Variants in CSMD1 observed in about 807,000 individuals in gnomAD.
CSMD1 encodes CUB and Sushi multiple domains 1.
A neutral mutation model predicts 417.5 loss-of-function variants in CSMD1; 213 were observed. The observed-to-expected ratio is 0.51, with a 90% CI of 0.46 to 0.57. The LOEUF is 0.57. Among genes scored for constraint, CSMD1 ranks in the 20% least tolerant of loss-of-function variants. The probability of loss-of-function intolerance (pLI) is 0.00; values close to 1 mark genes in which losing one functional copy is unlikely to be tolerated. For synonymous variants in CSMD1, 2,862 were observed against 1,736.8 expected (o/e 1.65, Z -16.11); for missense variants, 6,923 against 4,529.7 (o/e 1.53, Z -15.17).
At position 3,359,374 on chromosome 8, in the gene CSMD1, G is replaced by A. The variant is rs1468123767; in HGVS notation, c.3116-34C>T. On this transcript the variant is annotated intron_variant, in intron 20 of 69. Transcript: ENST00000635120. ...TGCAGAGACAGAGTAAATGCATGAG[G>A]ATTTGGGTAAATACACAAAGATTAA... 3.3e-6 allele frequency: 5 copies of A among 1,522,568 alleles called. No individual in the cohort carries two copies. The African/African-American group carries it at 6.9e-5, about 21-fold the overall frequency. 94.3% of individuals were successfully genotyped at this position (1,522,568 alleles called of 1,614,324 possible).
Position 3,708,592 on chromosome 8 carries a change from C to T in CSMD1, c.932-101G>A. 6.7e-6 allele frequency: 6 copies of T among 896,554 alleles called. No individual in the cohort carries two copies. In the South Asian group the frequency reaches 7.1e-5, roughly 11 times the overall value. The allele number at this position is 896,554 out of a possible 1,614,324, so 55.5% of individuals were successfully genotyped here. Reference sequence around the variant, plus strand: ...TCCAGTCATAACTGCTTTCTATCAACCCCCGAAAATGGGAAATGTTCTAAG... The same window carrying T: ...TCCAGTCATAACTGCTTTCTATCAATCCCCGAAAATGGGAAATGTTCTAAG... On this transcript the variant is annotated intron_variant, in intron 6 of 69. Coordinates refer to ENST00000635120, the MANE Select transcript of CSMD1 (RefSeq NM_033225.6).
At chr8:2,961,612 TTTAA>T (rs1158920821) in intron 61 of CSMD1, among the ~76,000 whole-genome samples, 2 of 152,214 alleles carry the variant, frequency 1.3e-5, no homozygotes, top group African/African-American at 2.4e-5. Context: ...TCTGAGTTTC[TTTAA>T]TTAATTTTCC....
chr8:4,585,289 C>T (rs1011274766), intron 2 of CSMD1, among the ~76,000 whole-genome samples: 1 of 151,814 alleles, frequency 6.6e-6, no homozygotes, highest in Non-Finnish European at 1.5e-5. Context: ...AATAGGCAGT[C>T]CCAGAAATTA....
Position 4,060,260 on chromosome 8 carries a change from C to T in CSMD1, c.416-28161G>A, listed in dbSNP as rs182321623. ...ATTCAACAACCCTTCATGCTAAAAA[C>T]TCTCAATAAATTAGGTATTGATGGG... On this transcript the variant is annotated intron_variant, in intron 3 of 69. Coordinates refer to ENST00000635120, the MANE Select transcript of CSMD1 (RefSeq NM_033225.6). Among the ~76,000 whole-genome samples, 46 of 152,162 alleles carry T rather than the reference C, an allele frequency of 3.0e-4. 1 individual carries two copies. In the East Asian group the frequency reaches 8.1e-3, roughly 27 times the overall value.
chr8:4,185,638 T>C (rs551440898), intron 3 of CSMD1, among the ~76,000 whole-genome samples: 2 of 152,346 alleles, frequency 1.3e-5, no homozygotes, highest in East Asian at 1.9e-4. Context: ...ATAGCTAATG[T>C]AAAAAGTGAC....
At chr8:3,597,609 A>C (rs1801155348) in intron 8 of CSMD1, among the ~76,000 whole-genome samples, 2 of 152,212 alleles carry the variant, frequency 1.3e-5, no homozygotes, top group African/African-American at 4.8e-5. Context: ...CACAGTTCTT[A>C]AAATGTCTTT....
chr8:3,733,564 C>A lies in CSMD1; in HGVS notation c.931+20366G>T, dbSNP rs547537098. On this transcript the variant is annotated intron_variant, in intron 6 of 69. Coordinates refer to ENST00000635120, the MANE Select transcript of CSMD1 (RefSeq NM_033225.6). Reference sequence around the variant, plus strand: ...AAAACAACTCTTAAGTTGTAAGTTGCGGGCCATTCTTCGAGTGTGATGAAA... The same window carrying A: ...AAAACAACTCTTAAGTTGTAAGTTGAGGGCCATTCTTCGAGTGTGATGAAA... Among the ~76,000 whole-genome samples, 24 of 152,034 alleles carry A rather than the reference C, an allele frequency of 1.6e-4. No individual in the cohort carries two copies. The South Asian group carries it at 4.4e-3, about 28-fold the overall frequency.
chr8:3,336,939 AAAG>A, intron 23 of CSMD1, among the ~76,000 whole-genome samples: 1 of 152,140 alleles, frequency 6.6e-6, no homozygotes, highest in East Asian at 1.9e-4. Context: ...TCCCCTAAAA[AAAG>A]TCAGTTAGTT....
At chr8:3,786,470 G>A (rs1799462972) in intron 5 of CSMD1, among the ~76,000 whole-genome samples, 3 of 152,264 alleles carry the variant, frequency 2.0e-5, no homozygotes, top group African/African-American at 4.8e-5. Context: ...GGGGAAGCAG[G>A]AGGAATGGTG....
At chr8:4,378,225 G>C (rs955871502) in intron 3 of CSMD1, among the ~76,000 whole-genome samples, 19 of 152,268 alleles carry the variant, frequency 1.2e-4, no homozygotes, top group African/African-American at 4.6e-4. Context: ...GTACTGATGA[G>C]ATTTCCTTAA....
In CSMD1 at chr8:4,994,589, C is replaced by G. The variant is rs1332752481; in HGVS notation, c.-173G>C. On this transcript the variant is annotated 5_prime_UTR_variant, in exon 1 of 70. Transcript: ENST00000635120. ...AGGTCTGGGCGCCCGGCTCGCTTCC[C>G]TCTCATAGCATCGGGTCCCGAGCCA... is the stretch of plus-strand genomic sequence containing the variant. 9.6e-6 allele frequency: 6 copies of G among 621,996 alleles called. No homozygotes were observed. The highest frequency in any genetic ancestry group is 3.7e-5 in the South Asian group (2 of 53,972). The allele number at this position is 621,996 out of a possible 1,614,324, so 38.5% of individuals were successfully genotyped here. A position where few individuals can be genotyped will look rare whatever the true frequency, so the allele number is the denominator to read the frequency against.
chr8:4,976,391 A>G (rs1028296179), intron 1 of CSMD1, among the ~76,000 whole-genome samples: 15 of 152,238 alleles, frequency 9.9e-5, no homozygotes, highest in Non-Finnish European at 2.2e-4. Flanking sequence ...ACTACATTAA[A>G]TTAATGAAGG....
At chr8:4,641,208 A>G (rs1051260490) in intron 1 of CSMD1, among the ~76,000 whole-genome samples, 1 of 151,956 alleles carries the variant, frequency 6.6e-6, no homozygotes. Flanking sequence ...TGCTGCTATA[A>G]TTCAAACAAA....
intron 7 of CSMD1, among the ~76,000 whole-genome samples, chr8:3,671,064 G>A (rs1389435987): frequency 1.1e-4 from 14 of 132,180 alleles, no homozygotes; most frequent in African/African-American, 3.9e-4. Context: ...GGATATATAT[G>A]TATATGGGAT....
intron 3 of CSMD1, among the ~76,000 whole-genome samples, chr8:4,386,536 A>G (rs899321184): frequency 1.6e-4 from 24 of 152,368 alleles, no homozygotes; most frequent in African/African-American, 5.5e-4. Context: ...CTAAAGAGGA[A>G]CTTAAAGCAA....
intron 51 of CSMD1, among the ~76,000 whole-genome samples, chr8:3,027,593 G>C (rs1410538858): frequency 6.6e-6 from 1 of 152,198 alleles, no homozygotes; most frequent in Admixed American, 6.5e-5. Flanking sequence ...GGGACAAATA[G>C]CAAAGTGTGA....
intron 3 of CSMD1, among the ~76,000 whole-genome samples, chr8:4,265,130 C>G (rs1367878669): frequency 6.6e-6 from 1 of 152,112 alleles, no homozygotes; most frequent in Non-Finnish European, 1.5e-5. Context: ...TGTCCTCTAA[C>G]TTAATTTGAC....
At chr8:3,338,649 T>C (rs1807433186) in intron 23 of CSMD1, among the ~76,000 whole-genome samples, 2 of 152,146 alleles carry the variant, frequency 1.3e-5, no homozygotes. Flanking sequence ...GCTGATTCAT[T>C]TTCAGGGCTG....
At position 3,365,682 on chromosome 8, in the gene CSMD1, T is replaced by C. The variant is rs188285070; in HGVS notation, c.3115+1350A>G. Among the ~76,000 whole-genome samples, 396 of 152,332 alleles carry C rather than the reference T, an allele frequency of 2.6e-3. 5 individuals carry two copies. The highest frequency in any genetic ancestry group is 9.1e-3 in the African/African-American group (380 of 41,576). On this transcript the variant is annotated intron_variant, in intron 20 of 69. Transcript: ENST00000635120. ...AGATACTAGTTTATTTATGTGTTAA[T>C]TGACTGTAGGCTTTTGGTCAACAGT... is the stretch of plus-strand genomic sequence containing the variant.
Sources: gnomAD v4.1 joint callset for allele counts (sites outside exome capture counted in the v4.1 genomes callset) on GRCh38, gnomAD v4.1.1 for gene constraint, MANE v1.5 for transcripts, NCBI Gene and HGNC (gene_info 2026-07-23, HGNC 2026-07-21) for gene names.